The following PM20D1 variants were observed in gnomAD, a reference collection of about 807,000 sequenced individuals.
PM20D1 encodes the protein N-fatty-acyl-amino acid synthase/hydrolase PM20D1.
PM20D1 carries 53 observed loss-of-function variants against 53.8 expected under a neutral mutation model. The ratio of observed to expected loss-of-function variants is 0.98; its 90% CI spans 0.79 to 1.24. The LOEUF is 1.24. Among genes scored for constraint, PM20D1 ranks in the 50% most tolerant of loss-of-function variants. PM20D1 has a pLI of 0.00. For synonymous variants in PM20D1, 239 were observed against 241.3 expected (o/e 0.99, Z 0.09); for missense variants, 564 against 616.8 (o/e 0.91, Z 0.91).
rs762592892 is a variant in PM20D1 at position 205,844,134 on chromosome 1, GC to G, written c.659del (p.Gly220AlafsTer17). 1.2e-6 allele frequency: 2 copies of G among 1,613,940 alleles called. No homozygotes were observed. The highest frequency in any genetic ancestry group is 2.2e-5 in the East Asian group (1 of 44,870). ...TAGGAATGAAATCATCCAAGATGAA[GC>G]CCCCCTCGTCCACAATGAAGGCTAG... ...VQLAFIVDEGGFILDDFIPNF... is the reference protein window; with the variant it reads ...VQLAFIVDEGXFILDDFIPNF... On this transcript the variant is annotated frameshift_variant, in exon 5 of 13. Coordinates refer to ENST00000367136, the MANE Select transcript of PM20D1 (RefSeq NM_152491.5). LOFTEE classifies it high-confidence loss of function.
chr1:205,844,001 C>T, intron 5 of PM20D1, 86 bp downstream of exon 5: 1 of 1,535,310 alleles, frequency 6.5e-7, no homozygotes, highest in Non-Finnish European at 8.8e-7. Context: ...AGAGTTGTCT[C>T]AGCATGGCTC....
At chr1:205,843,638 G>T in intron 6 of PM20D1, 29 bp downstream of exon 6, 2 of 1,602,018 alleles carry the variant, frequency 1.2e-6, no homozygotes, top group Non-Finnish European at 8.5e-7. Flanking sequence ...CTCAAGTCTG[G>T]CATGGGAACA....
rs149029750 is a variant in PM20D1 at position 205,846,259 on chromosome 1, A to G, written c.257-702T>C. Among the ~76,000 whole-genome samples, 1,288 of 152,094 alleles carry G rather than the reference A, an allele frequency of 8.5e-3. 14 individuals are homozygous for G. The highest frequency in any genetic ancestry group is 0.018 in the South Asian group (87 of 4,818). The stretch of plus-strand genomic sequence containing the variant: ...AAAACAGCTGGGCGTGGTGGCACGT[A>G]CTTGTAATCCCAGCAACTTGGAAGG... On this transcript the variant is annotated intron_variant, in intron 2 of 12. Transcript: ENST00000367136.
intron 9 of PM20D1, among the ~76,000 whole-genome samples, chr1:205,840,675 C>T (rs561916224): frequency 3.5e-4 from 53 of 152,274 alleles, no homozygotes; most frequent in Non-Finnish European, 6.5e-4. Context: ...TCCCAGCACA[C>T]CCAGGACATT....
intron 10 of PM20D1, among the ~76,000 whole-genome samples, chr1:205,834,119 A>T (rs1224889601): frequency 1.4e-5 from 2 of 143,946 alleles, no homozygotes; most frequent in Non-Finnish European, 3.0e-5. Flanking sequence ...AACTGTTGGG[A>T]TTACAGGTGT....
intron 6 of PM20D1, among the ~76,000 whole-genome samples, chr1:205,843,089 A>G (rs1361902053): frequency 1.3e-5 from 2 of 152,178 alleles, no homozygotes; most frequent in Admixed American, 6.5e-5. Flanking sequence ...CCACTTTGCT[A>G]AGAAAACCCA....
intron 7 of PM20D1, 23 bp downstream of exon 7, chr1:205,842,653 G>A (rs746492030): frequency 6.2e-6 from 10 of 1,609,532 alleles, no homozygotes; most frequent in South Asian, 1.1e-5. Context: ...CTGATTAGGA[G>A]TATGTGATAC....
At chr1:205,845,811 G>C (rs1482265102) in intron 2 of PM20D1, among the ~76,000 whole-genome samples, 2 of 152,212 alleles carry the variant, frequency 1.3e-5, no homozygotes, top group African/African-American at 4.8e-5. Context: ...GGCCAGGCTT[G>C]GGGGCTCATG....
intron 2 of PM20D1, among the ~76,000 whole-genome samples, chr1:205,845,860 A>G (rs1656945439): frequency 6.6e-6 from 1 of 152,076 alleles, no homozygotes; most frequent in South Asian, 2.1e-4. Context: ...AGGCAGGTGG[A>G]TCACCTGAGG....
intron 2 of PM20D1, among the ~76,000 whole-genome samples, chr1:205,846,766 TTA>T (rs1558095380): frequency 6.6e-6 from 1 of 152,106 alleles, no homozygotes; most frequent in Non-Finnish European, 1.5e-5. Context: ...GAAATAAATT[TTA>T]TCTCTCTCTG....
chr1:205,834,026 T>G (rs1363201445), intron 10 of PM20D1, among the ~76,000 whole-genome samples: 1 of 151,486 alleles, frequency 6.6e-6, no homozygotes, highest in Non-Finnish European at 1.5e-5. Flanking sequence ...TTTTGTATTT[T>G]TAGTAGAGAC....
At chr1:205,848,084 A>G in intron 1 of PM20D1, 113 bp from the exon 2 acceptor site, 1 of 956,186 alleles carries the variant, frequency 1.0e-6, no homozygotes, top group Non-Finnish European at 1.6e-6. Flanking sequence ...TGCAGAGGGC[A>G]AAACACTAAT....
rs546678966 is a variant in PM20D1, at chr1:205,832,499, A to G, written c.1285+99T>C. On this transcript the variant is annotated intron_variant, in intron 11 of 12. Coordinates refer to ENST00000367136, the MANE Select transcript of PM20D1 (RefSeq NM_152491.5). ...CAGGAGGGGAAGCAGCCAGCTGTTTACAGGCTGAACATCTAGGGTGGGGGT... is the reference window on the plus strand; with the variant it reads ...CAGGAGGGGAAGCAGCCAGCTGTTTGCAGGCTGAACATCTAGGGTGGGGGT... 7.9e-5 allele frequency: 107 copies of G among 1,354,730 alleles called. No homozygotes were observed. The East Asian group carries it at 2.5e-3, about 31-fold the overall frequency. 83.9% of individuals were successfully genotyped at this position (1,354,730 alleles called of 1,614,324 possible).
intron 1 of PM20D1, 57 bp from the exon 2 acceptor site, chr1:205,848,028 T>C (rs1471151239): frequency 3.9e-6 from 6 of 1,534,568 alleles, no homozygotes; most frequent in African/African-American, 1.4e-5. Context: ...TGTTTTTTTC[T>C]ACAGTCCTCT....
intron 3 of PM20D1, among the ~76,000 whole-genome samples, 191 bp downstream of exon 3, chr1:205,845,134 C>T (rs1656920379): frequency 6.6e-6 from 1 of 152,070 alleles, no homozygotes; most frequent in Non-Finnish European, 1.5e-5. Context: ...TCCCTGGGGA[C>T]CATTCAATCC....
chr1:205,844,033 T>C, intron 5 of PM20D1, 54 bp downstream of exon 5: 1 of 1,566,456 alleles, frequency 6.4e-7, no homozygotes, highest in South Asian at 1.2e-5. Flanking sequence ...GCTGGGGTCA[T>C]CTCAAATGGG....
intron 11 of PM20D1, among the ~76,000 whole-genome samples, chr1:205,831,005 A>G (rs1432385279): frequency 1.3e-5 from 2 of 152,204 alleles, no homozygotes; most frequent in Non-Finnish European, 2.9e-5. Context: ...ACTATAAAAT[A>G]TCACCGTCTT....
Position 205,841,821 on chromosome 1 carries a change from G to A in PM20D1, c.1034C>T (p.Ala345Val), listed in dbSNP as rs1460802720. The change falls in exon 9 of 13, where the codon GCA (alanine) becomes GTA (valine). Residue 345 changes from alanine (A) to valine (V), a missense_variant. Physicochemically the swap from Ala to Val is moderately conservative, Grantham distance 64. Transcript: ENST00000367136. ...AACCAGGGATGTTACCTTGACCCCT[G>A]CTTTGAATATGGTGAGTGCCGTGGT... ...RTTTALTIFKAGVKFNVIPPV... is the reference protein window; with the variant it reads ...RTTTALTIFKVGVKFNVIPPV... 1.3e-6 allele frequency: 2 copies of A among 1,568,142 alleles called. No individual in the cohort carries two copies. Among genetic ancestry groups the A allele is most frequent in the Non-Finnish European group, 1.7e-6 (2 of 1,153,710 alleles).
At chr1:205,842,094 GC>G in intron 8 of PM20D1, 59 bp downstream of exon 8, 1 of 1,516,386 alleles carries the variant, frequency 6.6e-7, no homozygotes, top group Non-Finnish European at 9.2e-7. Context: ...AAGGAGAGGG[GC>G]CTGGGGGGTG....
Sources: allele counts gnomAD v4.1 joint callset (sites outside exome capture counted in the v4.1 genomes callset), GRCh38; gene constraint gnomAD v4.1.1; transcripts MANE v1.5; gene names NCBI Gene and HGNC (gene_info 2026-07-23, HGNC 2026-07-21).